The following NVL variants were observed in gnomAD, a reference collection of about 807,000 sequenced individuals.
NVL encodes nuclear valosin-containing protein-like.
In NVL, 84 loss-of-function variants were observed where a neutral mutation model predicts 110.2. That is an observed-to-expected ratio of 0.76 (90% CI 0.64 to 0.91). NVL has a LOEUF of 0.91. NVL is among the 40% of genes least tolerant of loss of function. The probability of loss-of-function intolerance (pLI) is 0.00; values close to 1 mark genes in which losing one functional copy is unlikely to be tolerated. For missense variants in NVL, 882 were observed against 1,035.9 expected (o/e 0.85, Z 2.04); for synonymous variants, 354 against 361.1 (o/e 0.98, Z 0.22).
chr1:224,310,191 A>G (rs1025576574), intron 5 of NVL, among the ~76,000 whole-genome samples: 1 of 151,956 alleles, frequency 6.6e-6, no homozygotes, highest in Non-Finnish European at 1.5e-5. Context: ...AAAAAAAAAA[A>G]AAAAAAGAAA....
rs148789577 is a variant in NVL at position 224,315,522 on chromosome 1, C to A, written c.284+2172G>T. Among the ~76,000 whole-genome samples the A allele has an allele frequency of 6.3e-3, 955 of 152,116 alleles. 6 individuals are homozygous for A. The highest frequency in any genetic ancestry group is 0.022 in the African/African-American group (893 of 41,514). On this transcript the variant is annotated intron_variant, in intron 4 of 22. Transcript: ENST00000281701. ...CTGACAAAGGACATCTACAAAAAAA[C>A]CTAAAGCTAATGTCATATTTACAGT...
At chr1:224,241,317 G>A (rs1431734374) in intron 19 of NVL, among the ~76,000 whole-genome samples, 1 of 151,974 alleles carries the variant, frequency 6.6e-6, no homozygotes, top group Non-Finnish European at 1.5e-5. Context: ...ATTTTAAATG[G>A]CATAATAAAG....
At chr1:224,322,392 A>G (rs1670738673) in intron 2 of NVL, among the ~76,000 whole-genome samples, 1 of 151,758 alleles carries the variant, frequency 6.6e-6, no homozygotes, top group Admixed American at 6.6e-5. Context: ...GCCTTAGACC[A>G]CTCATTAAAT....
rs2102690100 is a variant in NVL, at chr1:224,231,279, G to T, written c.2473C>A (p.His825Asn). The T allele has an allele frequency of 1.9e-6, 3 of 1,612,024 alleles. No individual in the cohort carries two copies. Among genetic ancestry groups the T allele is most frequent in the South Asian group, 2.2e-5 (2 of 91,024 alleles). ...TTGAAAGCTTCTTCAAAATGCTTAT[G>T]ACTAACCTTGAGTTCACCTATGGAG... ...GNEKGELKVSHKHFEEAFKKV... is the reference protein window; with the variant it reads ...GNEKGELKVSNKHFEEAFKKV... Residue 825 changes from histidine (H) to asparagine (N), a missense_variant, in exon 22 of 23, where the codon CAT becomes AAT. Physicochemically the swap from His to Asn is moderately conservative, Grantham distance 68 (BLOSUM62 1). Around this residue, in one of 4 missense-constraint regions of NVL, gnomAD observed 126 missense variants for 140.7 expected, o/e 0.90. Transcript: ENST00000281701.
At chr1:224,239,215 T>A (rs535661937) in intron 19 of NVL, among the ~76,000 whole-genome samples, 1 of 152,286 alleles carries the variant, frequency 6.6e-6, no homozygotes, top group African/African-American at 2.4e-5. Flanking sequence ...CAAGTAACAC[T>A]GGGCGAGGAA....
chr1:224,249,274 C>A (rs900894365), intron 19 of NVL, among the ~76,000 whole-genome samples: 4 of 152,026 alleles, frequency 2.6e-5, no homozygotes, highest in Non-Finnish European at 5.9e-5. Flanking sequence ...CAGGCATGAG[C>A]CATTGAAGTC....
intron 12 of NVL, among the ~76,000 whole-genome samples, chr1:224,290,900 C>G (rs1160464910): frequency 6.6e-6 from 1 of 151,884 alleles, no homozygotes; most frequent in East Asian, 1.9e-4. Context: ...AACCGGGAGG[C>G]AGAGGTTGCA....
chr1:224,246,349 A>G (rs921381800), intron 19 of NVL, among the ~76,000 whole-genome samples: 5 of 152,114 alleles, frequency 3.3e-5, no homozygotes, highest in Non-Finnish European at 5.9e-5. Context: ...TACTTTAAAT[A>G]TTCACCCTTT....
intron 10 of NVL, 77 bp from the exon 11 acceptor site, chr1:224,296,695 TA>T: frequency 1.5e-5 from 13 of 884,068 alleles, no homozygotes; most frequent in Non-Finnish European, 1.9e-5. Flanking sequence ...ATATACATTT[TA>T]AAAAAAATCT....
At chr1:224,272,991 G>A (rs1286165373) in intron 17 of NVL, among the ~76,000 whole-genome samples, 2 of 133,802 alleles carry the variant, frequency 1.5e-5, no homozygotes, top group Admixed American at 7.8e-5. Context: ...CCGAGATCCC[G>A]CCACTGCACT....
At chr1:224,255,382 C>T (rs1157765997) in intron 18 of NVL, among the ~76,000 whole-genome samples, 3 of 151,210 alleles carry the variant, frequency 2.0e-5, no homozygotes, top group African/African-American at 2.4e-5. Flanking sequence ...TTAGTAGAGA[C>T]GGAGTTTCAC....
intron 10 of NVL, chr1:224,298,203 C>CA: frequency 2.0e-5 from 4 of 202,358 alleles, no homozygotes; most frequent in Non-Finnish European, 3.9e-5. Flanking sequence ...GACTCTGTCT[C>CA]AAAAAAGAAA....
chr1:224,311,525 T>A (rs1669522922), intron 5 of NVL, among the ~76,000 whole-genome samples: 1 of 151,294 alleles, frequency 6.6e-6, no homozygotes, highest in South Asian at 2.1e-4. Context: ...CATGCCACCA[T>A]GCCCGGCTAA....
chr1:224,272,334 C>T (rs1270549882), intron 17 of NVL, among the ~76,000 whole-genome samples: 1 of 149,370 alleles, frequency 6.7e-6, no homozygotes, highest in Non-Finnish European at 1.5e-5. Context: ...GAGAGTGAGA[C>T]TCTGTTTTAA....
intron 4 of NVL, among the ~76,000 whole-genome samples, chr1:224,313,524 A>C (rs1669762349): frequency 6.6e-6 from 1 of 152,198 alleles, no homozygotes; most frequent in Non-Finnish European, 1.5e-5. Context: ...AGAAGTGGCA[A>C]CATGGGGAAA....
intron 2 of NVL, among the ~76,000 whole-genome samples, chr1:224,324,548 C>G (rs1379025128): frequency 1.3e-5 from 2 of 152,342 alleles, no homozygotes; most frequent in Middle Eastern, 3.4e-3. Flanking sequence ...CCCACCTCAG[C>G]CTCTTGAGTA....
intron 18 of NVL, among the ~76,000 whole-genome samples, chr1:224,251,397 G>A (rs1232928245): frequency 2.0e-5 from 3 of 151,286 alleles, no homozygotes; most frequent in Non-Finnish European, 2.9e-5. Context: ...ACATCTCTTC[G>A]GCTATGCATG....
Position 224,262,211 on chromosome 1 carries a change from T to C in NVL, c.2182+5823A>G, listed in dbSNP as rs186512456. ...TTAAACAAACAAACAAAAAGTCACA[T>C]AGAAGGAATGAGAATGACATGGAAC... On this transcript the variant is annotated intron_variant, in intron 18 of 22. Coordinates refer to ENST00000281701, the MANE Select transcript of NVL (RefSeq NM_002533.4). 3.0e-3 allele frequency among the ~76,000 whole-genome samples: 449 copies of C among 151,892 alleles called. 3 individuals carry two copies. Among genetic ancestry groups the C allele is most frequent in the African/African-American group, 0.01 (415 of 41,430 alleles).
At chr1:224,307,729 C>G (rs1669079757) in intron 6 of NVL, among the ~76,000 whole-genome samples, 1 of 144,160 alleles carries the variant, frequency 6.9e-6, no homozygotes. Flanking sequence ...AAAGCTATCT[C>G]TCTGTGTAAA....
Sources: gnomAD v4.1 joint callset for allele counts (sites outside exome capture counted in the v4.1 genomes callset) on GRCh38, gnomAD v4.1.1 for gene constraint, gnomAD v4.1.1 regional missense constraint, MANE v1.5 for transcripts, NCBI Gene and HGNC (gene_info 2026-07-23, HGNC 2026-07-21) for gene names.